The following FSTL5 variants were observed in gnomAD, a reference collection of about 807,000 sequenced individuals.
The protein encoded by FSTL5 is follistatin-related protein 5.
In FSTL5, 62 loss-of-function variants were observed where a neutral mutation model predicts 89.1. That is an observed-to-expected ratio of 0.70 (90% CI 0.57 to 0.86). FSTL5 has a LOEUF of 0.86. Ranked by LOEUF, FSTL5 falls within the 40% of genes least tolerant of loss-of-function variation. The pLI is 0.00. For synonymous variants in FSTL5, 383 were observed against 346.2 expected, an observed-to-expected ratio of 1.11 and a Z score of -1.18; for missense variants, 1,057 against 1,001.6, an observed-to-expected ratio of 1.06 and a Z score of -0.75.
intron 4 of FSTL5, among the ~76,000 whole-genome samples, chr4:161,837,890 T>C (rs1187806910): frequency 6.6e-6 from 1 of 152,158 alleles, no homozygotes; most frequent in Non-Finnish European, 1.5e-5. Context: ...ATTTATAAAA[T>C]ATATATACTT....
chr4:161,388,550 A>G (rs948010715), intron 15 of FSTL5: 1 of 152,122 alleles, frequency 6.6e-6, no homozygotes, highest in East Asian at 1.9e-4. Context: ...AACTCCATTT[A>G]CTATAAACAA....
At chr4:161,926,837 C>G (rs13151066) in intron 3 of FSTL5, among the ~76,000 whole-genome samples, 96,221 of 151,644 alleles carry the variant, frequency 0.63, 30,606 homozygotes, top group Middle Eastern at 0.72. Flanking sequence ...TCATTATACA[C>G]TTTGGCTAAA....
chr4:161,753,617 T>C (rs1740471493), intron 6 of FSTL5, among the ~76,000 whole-genome samples: 1 of 152,230 alleles, frequency 6.6e-6, no homozygotes, highest in Non-Finnish European at 1.5e-5. Context: ...TGAATGCTAA[T>C]GTAATATTCA....
At chr4:161,808,265 C>T (rs535934198) in intron 4 of FSTL5, among the ~76,000 whole-genome samples, 3 of 151,934 alleles carry the variant, frequency 2.0e-5, no homozygotes, top group African/African-American at 7.2e-5. Flanking sequence ...ACAGGGATTT[C>T]TAAAAAAAAA....
chr4:161,619,919 G>C (rs1036670961), intron 7 of FSTL5, among the ~76,000 whole-genome samples: 3 of 151,966 alleles, frequency 2.0e-5, no homozygotes, highest in African/African-American at 7.3e-5. Context: ...ATTCACAATA[G>C]CAAAGACTTG....
At chr4:162,093,585 A>T (rs1371855335) in intron 2 of FSTL5, among the ~76,000 whole-genome samples, 7 of 152,196 alleles carry the variant, frequency 4.6e-5, no homozygotes, top group Non-Finnish European at 1.0e-4. Context: ...TGCCATACCC[A>T]AGAGACTATT....
intron 12 of FSTL5, among the ~76,000 whole-genome samples, chr4:161,484,628 T>G (rs1578869907): frequency 6.6e-6 from 1 of 152,206 alleles, no homozygotes; most frequent in Non-Finnish European, 1.5e-5. Context: ...CACATTGGCT[T>G]TCATGACATC....
At chr4:162,109,523 T>G (rs956949811) in intron 2 of FSTL5, among the ~76,000 whole-genome samples, 1 of 152,112 alleles carries the variant, frequency 6.6e-6, no homozygotes, top group Non-Finnish European at 1.5e-5. Context: ...AGAAGGTGAC[T>G]TCAATGATTT....
intron 4 of FSTL5, among the ~76,000 whole-genome samples, chr4:161,895,354 A>T (rs1218332993): frequency 6.6e-6 from 1 of 152,176 alleles, no homozygotes; most frequent in Admixed American, 6.5e-5. Context: ...TTAAATCAAA[A>T]CCACTTTTGA....
At chr4:161,807,776 A>G (rs1474255135) in intron 4 of FSTL5, among the ~76,000 whole-genome samples, 1 of 152,220 alleles carries the variant, frequency 6.6e-6, no homozygotes, top group Non-Finnish European at 1.5e-5. Context: ...GCAATAAAGA[A>G]GACAGATATG....
chr4:161,969,700 AC>A (rs1735427363), intron 3 of FSTL5, among the ~76,000 whole-genome samples: 1 of 152,164 alleles, frequency 6.6e-6, no homozygotes, highest in Non-Finnish European at 1.5e-5. Flanking sequence ...GAAAGATCAA[AC>A]CTGCTAATAT....
chr4:161,945,314 T>C (rs989648093), intron 3 of FSTL5, among the ~76,000 whole-genome samples: 3 of 152,192 alleles, frequency 2.0e-5, no homozygotes, highest in Non-Finnish European at 4.4e-5. Flanking sequence ...GTGTTATATG[T>C]TGCATGCTAT....
chr4:161,950,667 T>C (rs1292057466), intron 3 of FSTL5, among the ~76,000 whole-genome samples: 2 of 152,116 alleles, frequency 1.3e-5, no homozygotes, highest in East Asian at 3.9e-4. Context: ...ACAGAATGCC[T>C]CAGTTTGGTT....
chr4:161,693,636 C>CTT (rs5863476), intron 6 of FSTL5, among the ~76,000 whole-genome samples: 85,420 of 105,342 alleles, frequency 0.81, 36,064 homozygotes, highest in Non-Finnish European at 0.9. Flanking sequence ...TCTTGTAAAT[C>CTT]TTTTTTTTTT....
intron 13 of FSTL5, among the ~76,000 whole-genome samples, chr4:161,469,937 A>C (rs1301500408): frequency 6.6e-6 from 1 of 152,004 alleles, no homozygotes; most frequent in Non-Finnish European, 1.5e-5. Flanking sequence ...TTTTGAATCC[A>C]GTTTTGGTGA....
chr4:161,605,254 TTAAA>T, intron 7 of FSTL5, among the ~76,000 whole-genome samples: 1 of 152,304 alleles, frequency 6.6e-6, no homozygotes, highest in South Asian at 2.1e-4. Flanking sequence ...GTTTTTATAC[TTAAA>T]TAAAAACTTG....
intron 4 of FSTL5, among the ~76,000 whole-genome samples, chr4:161,890,231 T>G (rs1432314619): frequency 2.6e-5 from 4 of 152,124 alleles, no homozygotes; most frequent in African/African-American, 9.7e-5. Context: ...TGGCACCTAA[T>G]GGGTACACAT....
chr4:161,663,468 T>A (rs531585742), intron 6 of FSTL5, among the ~76,000 whole-genome samples: 5 of 152,082 alleles, frequency 3.3e-5, no homozygotes, highest in Non-Finnish European at 7.4e-5. Context: ...AGGGGGCCAG[T>A]CACATTTTAA....
chr4:161,995,365 T>A (rs1462249230), intron 3 of FSTL5, among the ~76,000 whole-genome samples: 4 of 152,156 alleles, frequency 2.6e-5, no homozygotes, highest in African/African-American at 9.7e-5. Flanking sequence ...GAACTTTGCA[T>A]AGTGAAGATG....
Sources: gnomAD v4.1 joint callset for allele counts (sites outside exome capture counted in the v4.1 genomes callset) on GRCh38, gnomAD v4.1.1 for gene constraint, MANE v1.5 for transcripts, NCBI Gene and HGNC (gene_info 2026-07-23, HGNC 2026-07-21) for gene names.